Variants in TPM1 observed in about 807,000 individuals in gnomAD.
The protein encoded by TPM1 is tropomyosin 1, also known as tropomyosin alpha-1 chain.
A neutral mutation model predicts 42.9 loss-of-function variants in TPM1; 24 were observed. The ratio of observed to expected loss-of-function variants is 0.56; its 90% CI spans 0.41 to 0.79. TPM1 has a LOEUF of 0.79. Among genes scored for constraint, TPM1 ranks in the 30% least tolerant of loss-of-function variants. TPM1 has a pLI of 0.00. For missense variants in TPM1, 158 were observed against 351.8 expected (o/e 0.45, Z 4.41); for synonymous variants, 136 against 130.1 (o/e 1.05, Z -0.31).
rs7173072 is a variant in TPM1 at position 63,057,365 on chromosome 15, C to T, written c.374+247C>T. ...GAAGATGATCTTGTTCCTGCCCTTA[C>T]AGAACTCACCATCTAATGAGGGAGA... On this transcript the variant is annotated intron_variant, in intron 3 of 9. Transcript: ENST00000403994. Among the ~76,000 whole-genome samples the T allele has an allele frequency of 0.67, 101,876 of 152,096 alleles. 34,590 individuals carry two copies. The highest frequency in any genetic ancestry group is 0.95 in the East Asian group (4,921 of 5,180).
intron 2 of TPM1, among the ~76,000 whole-genome samples, chr15:63,053,624 C>A (rs544717475): frequency 2.0e-5 from 3 of 151,684 alleles, no homozygotes; most frequent in African/African-American, 4.8e-5. Context: ...CTGCCCTCCC[C>A]CTTTGACCTC....
At chr15:63,048,884 T>C (rs1383601716) in intron 2 of TPM1, 3 of 782,458 alleles carry the variant, frequency 3.8e-6, no homozygotes, top group Middle Eastern at 2.2e-4. Context: ...CCCGGCCTGT[T>C]CTCCTGAGCC....
At position 63,042,922 on chromosome 15, in the gene TPM1, G is replaced by A. The variant is rs770661916; in HGVS notation, c.93G>A (p.Ala31=). 1 of 1,605,264 alleles carries A rather than the reference G, an allele frequency of 6.2e-7. No homozygotes were observed. The highest frequency in any genetic ancestry group is 8.5e-7 in the Non-Finnish European group (1 of 1,176,060). ...AGCAGGCGGAGGCCGACAAGAAGGCGGCGGAAGACAGGAGCAAGCAGGTCT... is the reference window on the plus strand; with the variant it reads ...AGCAGGCGGAGGCCGACAAGAAGGCAGCGGAAGACAGGAGCAAGCAGGTCT... The part of the protein sequence containing the change: ...RAEQAEADKK[A]AEDRSKQLED... The change falls in exon 1 of 10, where the codon GCG becomes GCA. Residue 31 remains alanine (A), a synonymous_variant. Coordinates refer to ENST00000403994, the MANE Select transcript of TPM1 (RefSeq NM_001018005.2).
chr15:63,061,622 C>T (rs1566965583), intron 5 of TPM1, 91 bp from the exon 6 acceptor site: 1 of 1,228,378 alleles, frequency 8.1e-7, no homozygotes, highest in South Asian at 1.2e-5. Context: ...CTCTAGGACT[C>T]AGTTTTCATT....
At chr15:63,063,227 G>A (rs2035887363) in intron 8 of TPM1, 1 of 985,290 alleles carries the variant, frequency 1.0e-6, no homozygotes, top group African/African-American at 1.7e-5. Context: ...GAGCTTTGAA[G>A]CTTGTGAAGG....
intron 2 of TPM1, 33 bp downstream of exon 2, chr15:63,044,185 C>T: frequency 6.2e-7 from 1 of 1,614,096 alleles, no homozygotes; most frequent in Non-Finnish European, 8.5e-7. Context: ...TCCCTCACCT[C>T]TTGCCTGCGT....
At chr15:63,056,531 G>C (rs1405033798) in intron 2 of TPM1, 1 of 205,088 alleles carries the variant, frequency 4.9e-6, no homozygotes, top group African/African-American at 2.4e-5. Context: ...GCCGGGCGTT[G>C]TGGCGGGCGC....
chr15:63,063,224 G>C (rs1414148094), intron 8 of TPM1: 2 of 985,266 alleles, frequency 2.0e-6, no homozygotes, highest in Non-Finnish European at 2.4e-6. Flanking sequence ...GTTGAGCTTT[G>C]AAGCTTGTGA....
At chr15:63,045,295 G>A (rs1449939826) in intron 2 of TPM1, 1 of 152,202 alleles carries the variant, frequency 6.6e-6, no homozygotes, top group African/African-American at 2.4e-5. Context: ...GAACTCCAGA[G>A]ACGACATTTA....
intron 4 of TPM1, 171 bp downstream of exon 4, chr15:63,059,851 C>T (rs1044755137): frequency 7.1e-5 from 36 of 504,176 alleles, no homozygotes; most frequent in Non-Finnish European, 1.1e-4. Context: ...TAATTTTAAT[C>T]CTGCTAGGGG....
chr15:63,068,944 T>G (rs552490897), downstream of TPM1, among the ~76,000 whole-genome samples: 6 of 151,892 alleles, frequency 4.0e-5, no homozygotes, highest in Admixed American at 1.3e-4. Flanking sequence ...GTCAGGAGAT[T>G]GAGACCATTC....
At chr15:63,062,342 C>G (rs1207613621) in intron 7 of TPM1, 65 bp downstream of exon 7, 37 of 1,516,430 alleles carry the variant, frequency 2.4e-5, no homozygotes, top group Non-Finnish European at 2.8e-5. Context: ...TGGAACCGGT[C>G]AGGGCCTTTT....
rs1179902793 is a variant in TPM1 at position 63,062,836 on chromosome 15, C to CTAGT, written c.772+195_772+198dup. 7 of 1,530,650 alleles carry CTAGT rather than the reference C, an allele frequency of 4.6e-6. No individual in the cohort carries two copies. The East Asian group carries it at 1.5e-4, about 32-fold the overall frequency. 94.8% of individuals were successfully genotyped at this position (1,530,650 alleles called of 1,614,324 possible). A position where few individuals can be genotyped will look rare whatever the true frequency, so the allele number is the denominator to read the frequency against. The stretch of plus-strand genomic sequence containing the variant: ...CCTAAGTCTTCTGCTCACGAGGTGA[C>CTAGT]TAGTTAGCCACCAGCCATAGTGGCA... On this transcript the variant is annotated intron_variant, in intron 8 of 9. Transcript: ENST00000403994.
In TPM1 at chr15:63,042,783, G is replaced by T. The variant is rs372760316; in HGVS notation, c.-47G>T. 2.6e-5 allele frequency: 40 copies of T among 1,547,746 alleles called. No homozygotes were observed. In the Middle Eastern group the frequency reaches 7.5e-4, roughly 29 times the overall value. ...CGCTCCTCCGCCCGACCGCGCGCTC[G>T]CCCCGCCGCTCCTGCTGCAGCCCCA... On this transcript the variant is annotated 5_prime_UTR_variant, in exon 1 of 10. Coordinates refer to ENST00000403994, the MANE Select transcript of TPM1 (RefSeq NM_001018005.2).
At chr15:63,055,179 C>T (rs879079230) in intron 2 of TPM1, among the ~76,000 whole-genome samples, 1 of 152,208 alleles carries the variant, frequency 6.6e-6, no homozygotes, top group Admixed American at 6.5e-5. Context: ...CAGCTGTGCA[C>T]TGATAATGAT....
At chr15:63,044,684 C>G (rs973572860) in intron 2 of TPM1, 9 of 210,742 alleles carry the variant, frequency 4.3e-5, no homozygotes, top group African/African-American at 2.1e-4. Context: ...TTGAGGCTTC[C>G]TTTCTCATTA....
At chr15:63,059,253 G>A (rs1028521007) in intron 3 of TPM1, among the ~76,000 whole-genome samples, 2 of 152,144 alleles carry the variant, frequency 1.3e-5, no homozygotes, top group Non-Finnish European at 2.9e-5. Flanking sequence ...TGGCTTTTCC[G>A]GTTTCATACT....
exon 9 of TPM1, chr15:63,071,530 G>C (rs1440752125): frequency 2.9e-6 from 1 of 340,992 alleles, no homozygotes; most frequent in Non-Finnish European, 5.7e-6. Context: ...GGTGTGGATT[G>C]GTGCTACTTT....
intron 2 of TPM1, chr15:63,045,918 T>G (rs1328764555): frequency 6.6e-6 from 1 of 152,166 alleles, no homozygotes; most frequent in Admixed American, 6.5e-5. Context: ...TTGATCACAT[T>G]CCCTTTTAGG....
Sources: gnomAD v4.1 joint callset for allele counts (sites outside exome capture counted in the v4.1 genomes callset) on GRCh38, gnomAD v4.1.1 for gene constraint, MANE v1.5 for transcripts, NCBI Gene and HGNC (gene_info 2026-07-23, HGNC 2026-07-21) for gene names.